The following BMAL2 variants were observed in gnomAD, a reference collection of about 807,000 sequenced individuals.
BMAL2 encodes basic helix-loop-helix ARNT like 2.
the BMAL2 span, among the ~76,000 whole-genome samples, chr12:27,412,275 G>C: frequency 6.6e-6 from 1 of 152,170 alleles, no homozygotes; most frequent in Non-Finnish European, 1.5e-5. Context: ...AGGCACCTTA[G>C]GTAATGTATG....
chr12:27,400,802 G>T, the BMAL2 span: 1 of 1,551,004 alleles, frequency 6.4e-7, no homozygotes. Context: ...ATAATGATTA[G>T]AATTCAATGG....
chr12:27,382,302 A>G, the BMAL2 span, among the ~76,000 whole-genome samples: 1,064 of 152,324 alleles, frequency 7.0e-3, 11 homozygotes, highest in African/African-American at 0.025. Context: ...GACTAGTTCA[A>G]CAAAACATGA....
the BMAL2 span, among the ~76,000 whole-genome samples, chr12:27,374,242 G>A: frequency 6.6e-6 from 1 of 151,540 alleles, no homozygotes; most frequent in Non-Finnish European, 1.5e-5. Flanking sequence ...ATATCCATGG[G>A]CAACCAACCA....
the BMAL2 span, among the ~76,000 whole-genome samples, chr12:27,348,495 A>G: frequency 6.6e-6 from 1 of 152,288 alleles, no homozygotes; most frequent in Non-Finnish European, 1.5e-5. Flanking sequence ...TTAATTGACA[A>G]CATAACAAAG....
chr12:27,425,178 AT>A, the BMAL2 span: 1 of 151,784 alleles, frequency 6.6e-6, no homozygotes, highest in Non-Finnish European at 1.5e-5. Context: ...GCTCGTCTGT[AT>A]ATTGGTATTT....
chr12:27,420,476 G>T, the BMAL2 span: 1 of 1,613,752 alleles, frequency 6.2e-7, no homozygotes, highest in South Asian at 1.1e-5. Flanking sequence ...TTACTTAGAA[G>T]CAGAGGGGGG....
the BMAL2 span, among the ~76,000 whole-genome samples, chr12:27,379,233 A>G: frequency 1.3e-5 from 2 of 152,230 alleles, no homozygotes. Flanking sequence ...ATGGGGGTAC[A>G]TCGCAGAGAA....
chr12:27,369,299 T>TG, the BMAL2 span, among the ~76,000 whole-genome samples: 31,878 of 150,776 alleles, frequency 0.21, 3,612 homozygotes, highest in East Asian at 0.3. Flanking sequence ...TCTTTTTTGG[T>TG]GGGGGGGGTG....
At chr12:27,375,041 TA>T in the BMAL2 span, among the ~76,000 whole-genome samples, 3 of 152,348 alleles carry the variant, frequency 2.0e-5, no homozygotes, top group South Asian at 6.2e-4. Flanking sequence ...CTATAAGTGT[TA>T]TCTTTTTTTA....
chr12:27,397,727 C>T, the BMAL2 span, among the ~76,000 whole-genome samples: 3 of 152,184 alleles, frequency 2.0e-5, no homozygotes, highest in Non-Finnish European at 2.9e-5. Context: ...GGTAGAGAGA[C>T]AATTACTCAG....
the BMAL2 span, among the ~76,000 whole-genome samples, chr12:27,372,001 G>T: frequency 2.0e-5 from 3 of 152,276 alleles, no homozygotes; most frequent in Middle Eastern, 0.01. Flanking sequence ...GTCCAAGGTG[G>T]GTGGACTGCC....
chr12:27,404,828 G>A, the BMAL2 span, among the ~76,000 whole-genome samples: 1 of 152,198 alleles, frequency 6.6e-6, no homozygotes, highest in African/African-American at 2.4e-5. Flanking sequence ...AAAGCGCAAG[G>A]GGTCAGGGAA....
chr12:27,370,360 A>G, the BMAL2 span: 2 of 644,622 alleles, frequency 3.1e-6, no homozygotes, highest in Non-Finnish European at 5.4e-6. Flanking sequence ...TCCTGCCCCA[A>G]TCCTTCCTTT....
At chr12:27,402,328 A>G in the BMAL2 span, among the ~76,000 whole-genome samples, 1 of 152,198 alleles carries the variant, frequency 6.6e-6, no homozygotes, top group Non-Finnish European at 1.5e-5. Context: ...TAATACTTCC[A>G]GTATTTCCTG....
At chr12:27,402,687 CT>C in the BMAL2 span, 1 of 1,606,112 alleles carries the variant, frequency 6.2e-7, no homozygotes, top group African/African-American at 1.3e-5. Flanking sequence ...GGTAAGCTTA[CT>C]TTTAGATGAT....
chr12:27,375,257 ACAC>A, the BMAL2 span, among the ~76,000 whole-genome samples: 2 of 152,314 alleles, frequency 1.3e-5, no homozygotes, highest in Admixed American at 6.5e-5. Flanking sequence ...CAAGATGCAC[ACAC>A]CACAATATTA....
At chr12:27,370,314 A>G in the BMAL2 span, 1 of 996,700 alleles carries the variant, frequency 1.0e-6, no homozygotes, top group East Asian at 2.4e-5. Flanking sequence ...TACACGTCCC[A>G]CTGATTTGCT....
the BMAL2 span, chr12:27,387,192 A>G: frequency 1.4e-6 from 2 of 1,409,272 alleles, no homozygotes; most frequent in Non-Finnish European, 2.0e-6. Flanking sequence ...GAGACAGACA[A>G]TATTTTAAAA....
At chr12:27,377,306 G>C in the BMAL2 span, 1 of 152,202 alleles carries the variant, frequency 6.6e-6, no homozygotes, top group South Asian at 2.1e-4. Flanking sequence ...ACCTTTTCGG[G>C]TGTAGCTCTT....
Sources: gnomAD v4.1 joint callset for allele counts (sites outside exome capture counted in the v4.1 genomes callset) on GRCh38, gnomAD v4.1.1 for gene constraint, MANE v1.5 for transcripts, NCBI Gene and HGNC (gene_info 2026-07-23, HGNC 2026-07-21) for gene names.